The following FBXO46 variants were observed in gnomAD, a reference collection of about 807,000 sequenced individuals.
FBXO46 encodes the protein F-box protein 46.
Under a neutral mutation model 30.7 loss-of-function variants are expected in FBXO46, and 13 were observed. That is an observed-to-expected ratio of 0.42 (90% CI 0.28 to 0.67). The LOEUF (loss-of-function observed/expected upper bound fraction) is 0.67, where lower values mean the gene tolerates loss of function less well. Among genes scored for constraint, FBXO46 ranks in the 30% least tolerant of loss-of-function variants. FBXO46 has a pLI of 0.21. For missense variants in FBXO46, 754 were observed against 871.5 expected, an observed-to-expected ratio of 0.87 and a Z score of 1.70; for synonymous variants, 467 against 385.8, an observed-to-expected ratio of 1.21 and a Z score of -2.47.
chr19:45,720,130 GT>G (rs984041927), intron 1 of FBXO46, among the ~76,000 whole-genome samples: 11 of 144,418 alleles, frequency 7.6e-5, no homozygotes, highest in Admixed American at 2.1e-4. Context: ...CTTCTTTTTT[GT>G]TTTTTTTTTT....
At position 45,712,884 on chromosome 19, in the gene FBXO46, G is replaced by A. The variant is rs372084997; in HGVS notation, c.612C>T (p.Ala204=). 7.4e-6 allele frequency: 12 copies of A among 1,613,362 alleles called. No homozygotes were observed. In the East Asian group the frequency reaches 1.1e-4, roughly 15 times the overall value. Residue 204 remains alanine (A), a synonymous_variant, in exon 2 of 2, where the codon GCC becomes GCT. Coordinates refer to ENST00000317683, the MANE Select transcript of FBXO46 (RefSeq NM_001080469.2). The surrounding 1 kb of genome is among the most constrained non-coding windows in gnomAD (Gnocchi z 8.8). ...CCCCCTTGGCCGGTCCACCTTGCTC[G>A]GCGGACACAAAGACTACAGGCGCTG... ...TTPAPVVFVS[A]EQGGPAKGVG...
At chr19:45,726,960 T>C (rs1431248733) in intron 1 of FBXO46, among the ~76,000 whole-genome samples, 1 of 152,060 alleles carries the variant, frequency 6.6e-6, no homozygotes, top group African/African-American at 2.4e-5. Context: ...CATTTTTACA[T>C]GAGAATACTG....
At chr19:45,727,084 G>A (rs536051710) in intron 1 of FBXO46, among the ~76,000 whole-genome samples, 1 of 151,706 alleles carries the variant, frequency 6.6e-6, no homozygotes, top group African/African-American at 2.4e-5. Flanking sequence ...GTGGTGAAAC[G>A]CTGACTCTAC....
In FBXO46 at chr19:45,713,560, G is replaced by A. The variant is rs1968037383; in HGVS notation, c.-65C>T. On this transcript the variant is annotated 5_prime_UTR_variant, in exon 2 of 2. Transcript: ENST00000317683. This position sits in a 1 kb window ranked among gnomAD's most constrained non-coding sequence, Gnocchi z 4.7. ...CTCAGGACCTAGGTGGTGGTGGGAG[G>A]CTCCACATGCCACCTGGAGACACGA... The A allele has an allele frequency of 1.5e-6, 2 of 1,313,970 alleles. No homozygotes were observed. The highest frequency in any genetic ancestry group is 2.9e-5 in the African/African-American group (2 of 67,852). 81.4% of individuals were successfully genotyped at this position (1,313,970 alleles called of 1,614,324 possible).
Position 45,711,759 on chromosome 19 carries a change from G to A in FBXO46, c.1737C>T (p.Gly579=). ...ADRETPGCRL[G]LHDNNWVLPC... ...GCAGCACCCAGTTGTTATCGTGGAG[G>A]CCCAGGCGGCAGCCGGGAGTCTCGC... Residue 579 remains glycine (G), a synonymous_variant, in exon 2 of 2, where the codon GGC becomes GGT. Coordinates refer to ENST00000317683, the MANE Select transcript of FBXO46 (RefSeq NM_001080469.2). 6.3e-7 allele frequency: 1 copy of A among 1,583,738 alleles called. No individual in the cohort carries two copies.
chr19:45,726,277 T>G (rs1968238786), intron 1 of FBXO46, among the ~76,000 whole-genome samples: 1 of 151,946 alleles, frequency 6.6e-6, no homozygotes. Context: ...GCCCGGGAAG[T>G]TGAGGCTGCA....
intron 1 of FBXO46, among the ~76,000 whole-genome samples, chr19:45,725,504 G>A (rs1968225745): frequency 6.6e-6 from 1 of 151,974 alleles, no homozygotes; most frequent in Non-Finnish European, 1.5e-5. Flanking sequence ...GTTTGGGCAG[G>A]TCGACAGCTT....
chr19:45,728,546 T>C (rs1044168193), intron 1 of FBXO46, among the ~76,000 whole-genome samples: 30 of 152,256 alleles, frequency 2.0e-4, no homozygotes, highest in African/African-American at 6.5e-4. Context: ...AGAAGAACCC[T>C]TGCCCAGGGC....
Position 45,730,125 on chromosome 19 carries a change from T to C in FBXO46, c.-79+724A>G, listed in dbSNP as rs538829006. 3.9e-5 allele frequency among the ~76,000 whole-genome samples: 6 copies of C among 152,154 alleles called. No homozygotes were observed. The South Asian group carries it at 1.0e-3, about 26-fold the overall frequency. ...TCCATGGCACAAAGGGGTGGAAGAATAGGGGATATGAATGCTGTACTTCTC... is the reference window on the plus strand; with the variant it reads ...TCCATGGCACAAAGGGGTGGAAGAACAGGGGATATGAATGCTGTACTTCTC... On this transcript the variant is annotated intron_variant, in intron 1 of 1. Coordinates refer to ENST00000317683, the MANE Select transcript of FBXO46 (RefSeq NM_001080469.2).
intron 1 of FBXO46, among the ~76,000 whole-genome samples, chr19:45,718,299 G>C (rs111889639): frequency 1.3e-5 from 2 of 152,224 alleles, no homozygotes; most frequent in Non-Finnish European, 2.9e-5. Flanking sequence ...AGGTCACACA[G>C]AGCTGGAGTG....
chr19:45,723,277 G>A (rs1303062636), intron 1 of FBXO46, among the ~76,000 whole-genome samples: 3 of 152,088 alleles, frequency 2.0e-5, no homozygotes, highest in South Asian at 2.1e-4. Flanking sequence ...GGGAGGCTGA[G>A]ACAGGAGAAT....
chr19:45,712,591 T>C lies in FBXO46; in HGVS notation c.905A>G (p.Asp302Gly). 6.3e-7 allele frequency: 1 copy of C among 1,591,660 alleles called. No individual in the cohort carries two copies. Among genetic ancestry groups the C allele is most frequent in the Non-Finnish European group, 8.6e-7 (1 of 1,168,414 alleles). Residue 302 changes from aspartate to glycine, a missense_variant, in exon 2 of 2, where the codon GAC becomes GGC. By Grantham distance (94) the Asp-to-Gly change is moderately conservative. Around this residue, in one of 5 missense-constraint regions of FBXO46, gnomAD observed 454 missense variants for 426.5 expected, o/e 1.06. Transcript: ENST00000317683. This position sits in a 1 kb window ranked among gnomAD's most constrained non-coding sequence, Gnocchi z 8.8. ...GSPGPGARAKDKITCDLYQLI... is the reference protein window; with the variant it reads ...GSPGPGARAKGKITCDLYQLI... ...CTGGTATAAGTCACATGTGATCTTG[T>C]CCTTGGCTCGGGCCCCAGGACCTGG...
chr19:45,728,716 G>A (rs990783737), intron 1 of FBXO46, among the ~76,000 whole-genome samples: 2 of 152,174 alleles, frequency 1.3e-5, no homozygotes, highest in African/African-American at 4.8e-5. Context: ...TAAAAAATTA[G>A]TCCCAGCTAC....
At chr19:45,725,339 C>T (rs1024130330) in intron 1 of FBXO46, among the ~76,000 whole-genome samples, 1 of 151,960 alleles carries the variant, frequency 6.6e-6, no homozygotes, top group East Asian at 1.9e-4. Flanking sequence ...GGCGTAAGAT[C>T]AGGAGGTGGA....
rs1429893062 is a variant in FBXO46 at position 45,711,831 on chromosome 19, G to GTCA, written c.1662_1664dup (p.Asp555dup). 6.2e-7 allele frequency: 1 copy of GTCA among 1,613,366 alleles called. No individual in the cohort carries two copies. The highest frequency in any genetic ancestry group is 1.3e-5 in the African/African-American group (1 of 74,940). Reference sequence around the variant, plus strand: ...TCCAGTAGGAACGTCCGTAAGGCAGGTCATGGTGGTAGGGCTTGGGGTGCC... The same window carrying GTCA: ...TCCAGTAGGAACGTCCGTAAGGCAGGTCATCATGGTGGTAGGGCTTGGGGTGCC... On this transcript the variant is annotated inframe_insertion, in exon 2 of 2. Coordinates refer to ENST00000317683, the MANE Select transcript of FBXO46 (RefSeq NM_001080469.2).
intron 1 of FBXO46, among the ~76,000 whole-genome samples, chr19:45,724,309 A>C (rs1968210791): frequency 6.6e-6 from 1 of 152,206 alleles, no homozygotes; most frequent in Non-Finnish European, 1.5e-5. Context: ...CAGAATGTTA[A>C]AAAATCCATG....
chr19:45,711,047 T>G lies in FBXO46; in HGVS notation c.*637A>C. ...GCTTTTTTTTTGTCTGCCCCCCTCTTCCTCTACGCGGAAGAGGAGAGACTG... is the reference window on the plus strand; with the variant it reads ...GCTTTTTTTTTGTCTGCCCCCCTCTGCCTCTACGCGGAAGAGGAGAGACTG... On this transcript the variant is annotated 3_prime_UTR_variant, in exon 2 of 2. Coordinates refer to ENST00000317683, the MANE Select transcript of FBXO46 (RefSeq NM_001080469.2). 3.9e-6 allele frequency: 1 copy of G among 254,892 alleles called. No individual in the cohort carries two copies. Among genetic ancestry groups the G allele is most frequent in the Non-Finnish European group, 7.8e-6 (1 of 129,028 alleles). 15.8% of individuals were successfully genotyped at this position (254,892 alleles called of 1,614,324 possible).
intron 1 of FBXO46, among the ~76,000 whole-genome samples, chr19:45,726,405 T>C (rs1968240624): frequency 6.6e-6 from 1 of 152,010 alleles, no homozygotes; most frequent in African/African-American, 2.4e-5. Flanking sequence ...TCTAGCACTT[T>C]GGAAGGTTGA....
chr19:45,715,901 C>CAAGA (rs1430767949), intron 1 of FBXO46: 2 of 151,910 alleles, frequency 1.3e-5, no homozygotes, highest in African/African-American at 4.8e-5. Context: ...ATCCCCATGT[C>CAAGA]AAGAATCTTT....
Sources: gnomAD v4.1 joint callset for allele counts (sites outside exome capture counted in the v4.1 genomes callset) on GRCh38, gnomAD v4.1.1 for gene constraint, gnomAD v4.1.1 regional missense constraint, Gnocchi (gnomAD v3.1) non-coding constraint, MANE v1.5 for transcripts, NCBI Gene and HGNC (gene_info 2026-07-23, HGNC 2026-07-21) for gene names.